The following VCAM1 variants were observed in gnomAD, a reference collection of about 807,000 sequenced individuals.
VCAM1 encodes the protein vascular cell adhesion molecule 1.
A neutral mutation model predicts 63.8 loss-of-function variants in VCAM1; 41 were observed. That is an observed-to-expected ratio of 0.64 (90% CI 0.50 to 0.83). The LOEUF is 0.83. VCAM1 is among the 40% of genes least tolerant of loss of function. The pLI is 0.00. For synonymous variants in VCAM1, 338 were observed against 320.7 expected (o/e 1.05, Z -0.58); for missense variants, 798 against 875.5 (o/e 0.91, Z 1.12).
intron 2 of VCAM1, among the ~76,000 whole-genome samples, chr1:100,721,613 T>C (rs1659956864): frequency 6.6e-6 from 1 of 152,114 alleles, no homozygotes; most frequent in Non-Finnish European, 1.5e-5. Context: ...TTTCGTTTTA[T>C]TGTACCGGAG....
In VCAM1 at chr1:100,731,205, T is replaced by C; in HGVS notation, c.1212T>C (p.Pro404=). The change falls in exon 6 of 9, where the codon CCT becomes CCC. Residue 404 remains proline (P), a synonymous_variant. Coordinates refer to ENST00000294728, the MANE Select transcript of VCAM1 (RefSeq NM_001078.4). This position sits in a 1 kb window ranked among gnomAD's most constrained non-coding sequence, Gnocchi z 4.2. ...KGIQVELYSF[P]RDPEIEMSGG... ...TTTGCTTGCGATTTGCAGCATTCCC[T>C]AGAGATCCAGAAATCGAGATGAGTG... 2 of 1,601,714 alleles carry C rather than the reference T, an allele frequency of 1.2e-6. No individual in the cohort carries two copies. The highest frequency in any genetic ancestry group is 1.7e-6 in the Non-Finnish European group (2 of 1,174,236).
chr1:100,734,512 A>C lies in VCAM1; in HGVS notation c.1803A>C (p.Lys601Asn), dbSNP rs769919999. The change falls in exon 8 of 9, where the codon AAA becomes AAC. Residue 601 changes from lysine to asparagine, a missense_variant. Lys to Asn is a moderately conservative substitution (Grantham distance 94). Transcript: ENST00000294728. ...AAATTCTCTTTACAGTTACTCCAAA[A>C]GACATAAAACTTACAGCTTTTCCTT... ...EVELIIQVTP[K>N]DIKLTAFPSE... 6.2e-7 allele frequency: 1 copy of C among 1,612,208 alleles called. No homozygotes were observed. Among genetic ancestry groups the C allele is most frequent in the Non-Finnish European group, 8.5e-7 (1 of 1,179,382 alleles).
intron 4 of VCAM1, among the ~76,000 whole-genome samples, chr1:100,728,387 C>A (rs1660256404): frequency 1.3e-5 from 2 of 151,980 alleles, no homozygotes; most frequent in South Asian, 2.1e-4. Flanking sequence ...AAATGCTTGT[C>A]CACTGTGGGC....
In VCAM1 at chr1:100,731,106, C is replaced by T; in HGVS notation, c.1205-92C>T. The T allele has an allele frequency of 7.9e-7, 1 of 1,259,672 alleles. No homozygotes were observed. The highest frequency in any genetic ancestry group is 1.1e-6 in the Non-Finnish European group (1 of 923,074). 78.0% of individuals were successfully genotyped at this position (1,259,672 alleles called of 1,614,324 possible). The stretch of plus-strand genomic sequence containing the variant: ...TCATTCTATCCCAGGTGACTTAAAG[C>T]TGTCATTTTTAGGCCTTTACATTTA... On this transcript the variant is annotated intron_variant, in intron 5 of 8. Transcript: ENST00000294728. This position sits in a 1 kb window ranked among gnomAD's most constrained non-coding sequence, Gnocchi z 4.2.
chr1:100,735,094 T>C (rs531719694), intron 8 of VCAM1: 1 of 245,680 alleles, frequency 4.1e-6, no homozygotes, highest in Non-Finnish European at 7.9e-6. Context: ...AGAAGTAGGA[T>C]TGGCACATTG....
At chr1:100,737,965 A>G in intron 8 of VCAM1, 158 bp from the exon 9 acceptor site, 1 of 719,204 alleles carries the variant, frequency 1.4e-6, no homozygotes, top group Non-Finnish European at 2.3e-6. Context: ...GATAATTCAG[A>G]CAAACATGCA....
chr1:100,729,048 T>C, intron 4 of VCAM1, 59 bp from the exon 5 acceptor site: 1 of 1,468,792 alleles, frequency 6.8e-7, no homozygotes, highest in South Asian at 1.6e-5. Context: ...TGTCAGAATG[T>C]GATGAAAAAA....
intron 3 of VCAM1, 84 bp downstream of exon 3, chr1:100,723,424 A>G (rs1040554286): frequency 1.4e-6 from 2 of 1,380,586 alleles, no homozygotes; most frequent in African/African-American, 1.5e-5. Flanking sequence ...GAAAAGTAAA[A>G]AAAAAAAAAA....
rs143498822 is a variant in VCAM1, at chr1:100,731,034, C to A, written c.1205-164C>A. ...TTCTAACATTATTCATATATAATAT[C>A]ATAAATATGTCATTTATAAATACTG... On this transcript the variant is annotated intron_variant, in intron 5 of 8. Transcript: ENST00000294728. The surrounding 1 kb of genome is among the most constrained non-coding windows in gnomAD (Gnocchi z 4.2). 6.6e-6 allele frequency among the ~76,000 whole-genome samples: 1 copy of A among 152,034 alleles called. No individual in the cohort carries two copies. The highest frequency in any genetic ancestry group is 1.5e-5 in the Non-Finnish European group (1 of 67,992).
chr1:100,727,644 C>T (rs1438573464), intron 4 of VCAM1, among the ~76,000 whole-genome samples: 1 of 152,026 alleles, frequency 6.6e-6, no homozygotes, highest in African/African-American at 2.4e-5. Context: ...AGAGTTACTC[C>T]TCCAATGGTT....
chr1:100,724,666 AGC>A lies in VCAM1; in HGVS notation c.705_706del (p.Lys235AsnfsTer25), dbSNP rs1482366526. ...GTTATTTCTGTGAATCCATCCACAAAGCTGCAAGAAGGTGGCTCTGTGACCAT... is the reference window on the plus strand; with the variant it reads ...GTTATTTCTGTGAATCCATCCACAAATGCAAGAAGGTGGCTCTGTGACCAT... On this transcript the variant is annotated frameshift_variant, in exon 4 of 9. Transcript: ENST00000294728. LOFTEE classifies it high-confidence loss of function. 6.2e-7 allele frequency: 1 copy of A among 1,612,934 alleles called. No individual in the cohort carries two copies. The highest frequency in any genetic ancestry group is 8.5e-7 in the Non-Finnish European group (1 of 1,179,392).
rs200549206 is a variant in VCAM1, at chr1:100,732,357, T to A, written c.1526-61T>A. On this transcript the variant is annotated intron_variant, in intron 6 of 8. Coordinates refer to ENST00000294728, the MANE Select transcript of VCAM1 (RefSeq NM_001078.4). The stretch of plus-strand genomic sequence containing the variant: ...CCATAGCCCAGTTTTGCAACATTAT[T>A]AAAACTCTTTGGAACTCAGGGCATA... The A allele has an allele frequency of 3.9e-4, 580 of 1,475,002 alleles. 3 individuals carry two copies. Among genetic ancestry groups the A allele is most frequent in the Admixed American group, 2.5e-4 (10 of 39,948 alleles). 91.4% of individuals were successfully genotyped at this position (1,475,002 alleles called of 1,614,324 possible). A position where few individuals can be genotyped will look rare whatever the true frequency, so the allele number is the denominator to read the frequency against.
chr1:100,727,212 T>G (rs1660195826), intron 4 of VCAM1, among the ~76,000 whole-genome samples: 1 of 152,072 alleles, frequency 6.6e-6, no homozygotes, highest in Non-Finnish European at 1.5e-5. Context: ...CTTGCTATGT[T>G]GCCCACACTG....
Position 100,724,711 on chromosome 1 carries a change from G to T in VCAM1, c.749G>T (p.Gly250Val). ...GTGACCATGACCTGTTCCAGCGAGGGTCTACCAGCTCCAGAGATTTTCTGG... is the reference window on the plus strand; with the variant it reads ...GTGACCATGACCTGTTCCAGCGAGGTTCTACCAGCTCCAGAGATTTTCTGG... ...GSVTMTCSSE[G>V]LPAPEIFWSK... is the part of the protein sequence containing the mutation. The change falls in exon 4 of 9, where the codon GGT becomes GTT. Residue 250 changes from glycine to valine, a missense_variant. Transcript: ENST00000294728. 6.2e-7 allele frequency: 1 copy of T among 1,613,086 alleles called. No individual in the cohort carries two copies. The highest frequency in any genetic ancestry group is 1.1e-5 in the South Asian group (1 of 91,056).
Position 100,723,321 on chromosome 1 carries a change from A to G in VCAM1, c.642A>G (p.Val214=). 1 of 1,612,544 alleles carries G rather than the reference A, an allele frequency of 6.2e-7. No individual in the cohort carries two copies. The highest frequency in any genetic ancestry group is 8.5e-7 in the Non-Finnish European group (1 of 1,178,978). Residue 214 remains valine, a synonymous_variant, in exon 3 of 9, where the codon GTA becomes GTG. Coordinates refer to ENST00000294728, the MANE Select transcript of VCAM1 (RefSeq NM_001078.4). ...CTGTGCCCACAGTAAGGCAGGCTGT[A>G]AAAGAATTGCAAGTCTACAGTAAGT... is the stretch of plus-strand genomic sequence containing the variant. ...MDSVPTVRQA[V]KELQVYISPK...
intron 4 of VCAM1, among the ~76,000 whole-genome samples, chr1:100,728,848 G>A (rs1225863112): frequency 1.3e-5 from 2 of 151,884 alleles, no homozygotes; most frequent in African/African-American, 4.8e-5. Flanking sequence ...TATTATTGCT[G>A]TGAAGAGATA....
intron 3 of VCAM1, 80 bp downstream of exon 3, chr1:100,723,420 T>TA (rs34323941): frequency 0.12 from 126,168 of 1,067,688 alleles, 26 homozygotes; most frequent in South Asian, 0.16. Context: ...AGCAGAAAAG[T>TA]AAAAAAAAAA....
intron 4 of VCAM1, 111 bp downstream of exon 4, chr1:100,725,001 T>A: frequency 7.4e-7 from 1 of 1,357,902 alleles, no homozygotes; most frequent in South Asian, 1.4e-5. Flanking sequence ...TGATGACCTA[T>A]CTGATTGCCA....
intron 4 of VCAM1, among the ~76,000 whole-genome samples, chr1:100,727,915 G>A (rs1660233682): frequency 6.6e-6 from 1 of 152,074 alleles, no homozygotes; most frequent in Non-Finnish European, 1.5e-5. Flanking sequence ...TGGCATAGAT[G>A]AGAACCATGC....
Sources: allele counts gnomAD v4.1 joint callset (sites outside exome capture counted in the v4.1 genomes callset), GRCh38; gene constraint gnomAD v4.1.1; non-coding constraint Gnocchi (gnomAD v3.1); transcripts MANE v1.5; gene names NCBI Gene and HGNC (gene_info 2026-07-23, HGNC 2026-07-21).